Variants in CCDC24 observed in about 807,000 individuals in gnomAD.
CCDC24 encodes the protein coiled-coil domain containing 24.
In CCDC24, 34 loss-of-function variants were observed where a neutral mutation model predicts 31.6. The ratio of observed to expected loss-of-function variants is 1.08; its 90% CI spans 0.82 to 1.43. CCDC24 has a LOEUF of 1.43. Among genes scored for constraint, CCDC24 ranks in the 40% most tolerant of loss-of-function variants. The pLI is 0.00. For synonymous variants in CCDC24, 175 were observed against 157.3 expected (o/e 1.11, Z -0.84); for missense variants, 426 against 391.1 (o/e 1.09, Z -0.75).
Position 43,992,275 on chromosome 1 carries a change from A to G in CCDC24, c.190A>G (p.Ile64Val), listed in dbSNP as rs1186010195. 1.9e-6 allele frequency: 3 copies of G among 1,612,974 alleles called. No homozygotes were observed. Among genetic ancestry groups the G allele is most frequent in the Non-Finnish European group, 2.5e-6 (3 of 1,179,784 alleles). Residue 64 changes from isoleucine (I) to valine (V), a missense_variant, in exon 3 of 9, where the codon ATC becomes GTC. Transcript: ENST00000372318. ...RSSQAPSSRP[I>V]SDPSSLLAPP... ...CTCTCAAGCCCCCAGCTCCCGCCCCATCTCTGACCCCTCTTCTCTTCTGGC... is the reference window on the plus strand; with the variant it reads ...CTCTCAAGCCCCCAGCTCCCGCCCCGTCTCTGACCCCTCTTCTCTTCTGGC...
chr1:43,995,456 C>A lies in CCDC24; in HGVS notation c.553-145C>A. Reference sequence around the variant, plus strand: ...TGCCAAACTCAGCTCTTCCGCAAGGCTGGTATTCCCTGGGGAACGTGGCTG... The same window carrying A: ...TGCCAAACTCAGCTCTTCCGCAAGGATGGTATTCCCTGGGGAACGTGGCTG... On this transcript the variant is annotated intron_variant, in intron 6 of 8. Coordinates refer to ENST00000372318, the MANE Select transcript of CCDC24 (RefSeq NM_152499.4). The surrounding 1 kb of genome is among the most constrained non-coding windows in gnomAD (Gnocchi z 4.3). 1 of 892,224 alleles carries A rather than the reference C, an allele frequency of 1.1e-6. No individual in the cohort carries two copies. The highest frequency in any genetic ancestry group is 1.7e-6 in the Non-Finnish European group (1 of 593,614). 55.3% of individuals were successfully genotyped at this position (892,224 alleles called of 1,614,324 possible).
chr1:43,996,204 C>A lies in CCDC24; in HGVS notation c.*44C>A. On this transcript the variant is annotated 3_prime_UTR_variant, in exon 9 of 9. Coordinates refer to ENST00000372318, the MANE Select transcript of CCDC24 (RefSeq NM_152499.4). ...GGCTCTGGCTTCTGCCACAGCGCAC[C>A]TGTCTGCCGCTGCCGCCTCAGCTGC... The A allele has an allele frequency of 6.9e-7, 1 of 1,448,452 alleles. No homozygotes were observed. The highest frequency in any genetic ancestry group is 2.5e-5 in the East Asian group (1 of 40,672). 89.7% of individuals were successfully genotyped at this position (1,448,452 alleles called of 1,614,324 possible).
At chr1:43,993,986 A>G in intron 5 of CCDC24, 22 bp downstream of exon 5, 4 of 1,593,648 alleles carry the variant, frequency 2.5e-6, no homozygotes, top group East Asian at 2.2e-5. Flanking sequence ...GGGCACCTGC[A>G]TGTGTATAGG....
In CCDC24 at chr1:43,995,335, A is replaced by C; in HGVS notation, c.552+173A>C. ...TGCACCTGCAAAATCCTGGAGGCCC[A>C]GGATTCTAGTTGAGCCCTTAAGGCC... On this transcript the variant is annotated intron_variant, in intron 6 of 8. Coordinates refer to ENST00000372318, the MANE Select transcript of CCDC24 (RefSeq NM_152499.4). This position sits in a 1 kb window ranked among gnomAD's most constrained non-coding sequence, Gnocchi z 4.3. 2.6e-6 allele frequency: 2 copies of C among 778,538 alleles called. No individual in the cohort carries two copies. Among genetic ancestry groups the C allele is most frequent in the Non-Finnish European group, 4.1e-6 (2 of 488,934 alleles). 48.2% of individuals were successfully genotyped at this position (778,538 alleles called of 1,614,324 possible).
Position 43,995,222 on chromosome 1 carries a change from G to T in CCDC24, c.552+60G>T, listed in dbSNP as rs1393481133. The T allele has an allele frequency of 1.4e-5, 21 of 1,503,076 alleles. No homozygotes were observed. The highest frequency in any genetic ancestry group is 2.0e-5 in the Admixed American group (1 of 50,968). The allele number at this position is 1,503,076 out of a possible 1,614,324, so 93.1% of individuals were successfully genotyped here. On this transcript the variant is annotated intron_variant, in intron 6 of 8. Coordinates refer to ENST00000372318, the MANE Select transcript of CCDC24 (RefSeq NM_152499.4). This position sits in a 1 kb window ranked among gnomAD's most constrained non-coding sequence, Gnocchi z 4.3. Reference sequence around the variant, plus strand: ...ACTGCTGAGCGTAGACTCTCACCTGGGTGAGACCCATGTACCTGTGTGCAT... The same window carrying T: ...ACTGCTGAGCGTAGACTCTCACCTGTGTGAGACCCATGTACCTGTGTGCAT...
chr1:43,994,495 C>T (rs906417549), intron 5 of CCDC24: 6 of 153,048 alleles, frequency 3.9e-5, no homozygotes, highest in Admixed American at 2.5e-4. Context: ...GGCTGGAGTG[C>T]AGTGGCGTGA....
intron 4 of CCDC24, 114 bp downstream of exon 4, chr1:43,992,753 C>A: frequency 1.1e-6 from 1 of 886,576 alleles, no homozygotes; most frequent in Non-Finnish European, 1.8e-6. Flanking sequence ...TGGGCACTTC[C>A]ACCGCCACTT....
intron 4 of CCDC24, 143 bp downstream of exon 4, chr1:43,992,782 C>G: frequency 2.7e-6 from 2 of 751,548 alleles, no homozygotes; most frequent in Non-Finnish European, 4.6e-6. Flanking sequence ...GATTATCAGC[C>G]CATGAGGGCT....
intron 4 of CCDC24, 176 bp from the exon 5 acceptor site, chr1:43,993,711 C>T (rs2085783582): frequency 7.2e-6 from 4 of 556,126 alleles, no homozygotes; most frequent in South Asian, 5.0e-5. Flanking sequence ...TGCCTGAAGT[C>T]ACACACAATG....
chr1:43,995,844 C>T lies in CCDC24; in HGVS notation c.689C>T (p.Ser230Phe). ...LQASVGPSCV[S>F]PNHRQRPLGS... ...GCATCTGTGGGGCCTTCTTGTGTCT[C>T]TCCCAACCACAGGTAAACCACAACA... The change falls in exon 8 of 9, where the codon TCT becomes TTT. Residue 230 changes from serine (S) to phenylalanine (F), a missense_variant. By Grantham distance (155) the Ser-to-Phe change is radical. Transcript: ENST00000372318. The surrounding 1 kb of genome is among the most constrained non-coding windows in gnomAD (Gnocchi z 4.3). The T allele has an allele frequency of 6.2e-7, 1 of 1,614,216 alleles. No homozygotes were observed. Among genetic ancestry groups the T allele is most frequent in the Admixed American group, 1.7e-5 (1 of 60,032 alleles).
Position 43,995,084 on chromosome 1 carries a change from G to C in CCDC24, c.498-24G>C. ...GCCCTGGTCCTGTGTCTCGGGTTCT[G>C]GCTGCTGCTCCCTCATGTCCCAGGG... On this transcript the variant is annotated intron_variant, in intron 5 of 8. Transcript: ENST00000372318. The surrounding 1 kb of genome is among the most constrained non-coding windows in gnomAD (Gnocchi z 4.3). 1 of 1,567,006 alleles carries C rather than the reference G, an allele frequency of 6.4e-7. No individual in the cohort carries two copies.
chr1:43,992,051 C>A, intron 2 of CCDC24, 47 bp downstream of exon 2: 1 of 1,385,108 alleles, frequency 7.2e-7, no homozygotes, highest in Non-Finnish European at 9.3e-7. Context: ...CCCCACGACT[C>A]GGGTGATTTC....
chr1:43,993,195 C>T (rs1271353617), intron 4 of CCDC24, among the ~76,000 whole-genome samples: 1 of 151,954 alleles, frequency 6.6e-6, no homozygotes, highest in Admixed American at 6.6e-5. Context: ...AATCCCAGCA[C>T]TTTGGGAGGC....
Position 43,995,280 on chromosome 1 carries a change from G to A in CCDC24, c.552+118G>A. 9.4e-7 allele frequency: 1 copy of A among 1,062,044 alleles called. No individual in the cohort carries two copies. The highest frequency in any genetic ancestry group is 1.4e-6 in the Non-Finnish European group (1 of 722,646). The allele number at this position is 1,062,044 out of a possible 1,614,324, so 65.8% of individuals were successfully genotyped here. On this transcript the variant is annotated intron_variant, in intron 6 of 8. Coordinates refer to ENST00000372318, the MANE Select transcript of CCDC24 (RefSeq NM_152499.4). The surrounding 1 kb of genome is among the most constrained non-coding windows in gnomAD (Gnocchi z 4.3). ...TGCATGTACAGGCTATGTGAGTCCT[G>A]CATCCATTTCTCAGGGGTGCATGCT...
At position 43,996,447 on chromosome 1, in the gene CCDC24, G is replaced by T; in HGVS notation, c.*287G>T. 2.5e-6 allele frequency: 1 copy of T among 406,058 alleles called. No homozygotes were observed. Among genetic ancestry groups the T allele is most frequent in the Non-Finnish European group, 4.4e-6 (1 of 228,278 alleles). The allele number at this position is 406,058 out of a possible 1,614,324, so 25.2% of individuals were successfully genotyped here. A position where few individuals can be genotyped will look rare whatever the true frequency, so the allele number is the denominator to read the frequency against. On this transcript the variant is annotated 3_prime_UTR_variant, in exon 9 of 9. Transcript: ENST00000372318. ...GAGGTCTCATTCCAGCCTGACTCTT[G>T]TCCCCTGGGGGACCCAGACAAAGCA...
In CCDC24 at chr1:43,992,284, C is replaced by T. The variant is rs771734568; in HGVS notation, c.199C>T (p.Pro67Ser). ...QAPSSRPISD[P>S]SSLLAPPPLL... is the part of the protein sequence containing the mutation. ...CCCCAGCTCCCGCCCCATCTCTGAC[C>T]CCTCTTCTCTTCTGGCACCACCGCC... The change falls in exon 3 of 9, where the codon CCC becomes TCC. Residue 67 changes from proline to serine, a missense_variant. Physicochemically the swap from Pro to Ser is moderately conservative, Grantham distance 74. Coordinates refer to ENST00000372318, the MANE Select transcript of CCDC24 (RefSeq NM_152499.4). 3 of 1,614,086 alleles carry T rather than the reference C, an allele frequency of 1.9e-6. No individual in the cohort carries two copies. In the Admixed American group the frequency reaches 5.0e-5, roughly 27 times the overall value.
Position 43,991,940 on chromosome 1 carries a change from G to C in CCDC24, c.62G>C (p.Arg21Pro), listed in dbSNP as rs1367509094. Reference sequence around the variant, plus strand: ...GAGGAGCACGTTCCGCTCCGGGAGCGACGCGAAGTGAAGAGGATTCTGGGG... The same window carrying C: ...GAGGAGCACGTTCCGCTCCGGGAGCCACGCGAAGTGAAGAGGATTCTGGGG... ...LVEEHVPLRE[R>P]REVKRILGEA... Residue 21 changes from arginine to proline, a missense_variant, in exon 2 of 9, where the codon CGA (arginine) becomes CCA (proline). Coordinates refer to ENST00000372318, the MANE Select transcript of CCDC24 (RefSeq NM_152499.4). 1.3e-6 allele frequency: 2 copies of C among 1,541,204 alleles called. No individual in the cohort carries two copies. Among genetic ancestry groups the C allele is most frequent in the Non-Finnish European group, 8.8e-7 (1 of 1,140,288 alleles).
rs1300393853 is a variant in CCDC24 at position 43,991,838 on chromosome 1, G to T, written c.-32-9G>T. The T allele has an allele frequency of 6.5e-7, 1 of 1,545,700 alleles. No individual in the cohort carries two copies. ...CGGTACCTCCCGCACTCTGACCTGCGGCCCGTAGGTCCGAGCCGGGGACGG... is the reference window on the plus strand; with the variant it reads ...CGGTACCTCCCGCACTCTGACCTGCTGCCCGTAGGTCCGAGCCGGGGACGG... On this transcript the variant is annotated splice_polypyrimidine_tract_variant and intron_variant, in intron 1 of 8. Coordinates refer to ENST00000372318, the MANE Select transcript of CCDC24 (RefSeq NM_152499.4).
rs2085813398 is a variant in CCDC24, at chr1:43,995,118, GA to G, written c.509del (p.Glu170GlyfsTer23). Reference sequence around the variant, plus strand: ...TCCCTCATGTCCCAGGGGCCTTCTGGAGGAGGAGTGTCACACCTTGGAGAGG... The same window carrying G: ...TCCCTCATGTCCCAGGGGCCTTCTGGGGAGGAGTGTCACACCTTGGAGAGG... ...QVARHLRGLL[E>X]EECHTLEREI... On this transcript the variant is annotated frameshift_variant, in exon 6 of 9. Coordinates refer to ENST00000372318, the MANE Select transcript of CCDC24 (RefSeq NM_152499.4). LOFTEE classifies it high-confidence loss of function. The surrounding 1 kb of genome is among the most constrained non-coding windows in gnomAD (Gnocchi z 4.3). 6.3e-7 allele frequency: 1 copy of G among 1,582,774 alleles called. No homozygotes were observed. The highest frequency in any genetic ancestry group is 8.6e-7 in the Non-Finnish European group (1 of 1,165,216).
Sources: gnomAD v4.1 joint callset for allele counts (sites outside exome capture counted in the v4.1 genomes callset) on GRCh38, gnomAD v4.1.1 for gene constraint, Gnocchi (gnomAD v3.1) non-coding constraint, MANE v1.5 for transcripts, NCBI Gene and HGNC (gene_info 2026-07-23, HGNC 2026-07-21) for gene names.